Variants in SAMD12 observed in about 807,000 individuals in gnomAD.
SAMD12 encodes sterile alpha motif domain-containing protein 12.
In SAMD12, 9 loss-of-function variants were observed where a neutral mutation model predicts 15.0. The ratio of observed to expected loss-of-function variants is 0.60; its 90% CI spans 0.36 to 1.05. The LOEUF is 1.05. SAMD12 is among the 50% of genes least tolerant of loss of function. SAMD12 has a pLI of 0.01. For missense variants in SAMD12, 230 were observed against 234.2 expected (o/e 0.98, Z 0.12); for synonymous variants, 86 against 90.1 (o/e 0.96, Z 0.25).
rs550186451 is a variant in SAMD12, at chr8:118,530,768, A to G, written c.192+49947T>C. Reference sequence around the variant, plus strand: ...GTTTTTGGGGTTTTAATAACAAATTATTCTCCCAGGCCAATATCTAGATGA... The same window carrying G: ...GTTTTTGGGGTTTTAATAACAAATTGTTCTCCCAGGCCAATATCTAGATGA... On this transcript the variant is annotated intron_variant, in intron 2 of 3. Transcript: ENST00000314727. Among the ~76,000 whole-genome samples, 13 of 152,212 alleles carry G rather than the reference A, an allele frequency of 8.5e-5. No homozygotes were observed. The South Asian group carries it at 2.7e-3, about 32-fold the overall frequency.
intron 4 of SAMD12, among the ~76,000 whole-genome samples, chr8:118,218,877 G>A (rs531384065): frequency 3.3e-5 from 5 of 152,092 alleles, no homozygotes; most frequent in Admixed American, 6.5e-5. Flanking sequence ...AGCACTTACC[G>A]TCTATTTTAG....
intron 3 of SAMD12, among the ~76,000 whole-genome samples, chr8:118,391,954 A>AG (rs1169154100): frequency 6.6e-6 from 1 of 151,762 alleles, no homozygotes; most frequent in Non-Finnish European, 1.5e-5. Context: ...AAAAAAAAAA[A>AG]GAGGTCTTGG....
chr8:118,553,391 A>G (rs1826411597), intron 2 of SAMD12, among the ~76,000 whole-genome samples: 1 of 152,002 alleles, frequency 6.6e-6, no homozygotes, highest in South Asian at 2.1e-4. Context: ...ATCTACAACT[A>G]TCTGATCTTT....
At chr8:118,419,207 A>G (rs1821875628) in intron 3 of SAMD12, among the ~76,000 whole-genome samples, 1 of 152,146 alleles carries the variant, frequency 6.6e-6, no homozygotes, top group Admixed American at 6.5e-5. Context: ...GAAGCAGAAA[A>G]AAAAAAGCCT....
intron 3 of SAMD12, among the ~76,000 whole-genome samples, chr8:118,423,879 G>A (rs963079648): frequency 5.3e-5 from 8 of 152,028 alleles, no homozygotes; most frequent in Non-Finnish European, 1.0e-4. Flanking sequence ...CGATTGCCTG[G>A]CATATAAACC....
At chr8:118,593,881 A>C (rs1458397752) in intron 1 of SAMD12, among the ~76,000 whole-genome samples, 2 of 152,202 alleles carry the variant, frequency 1.3e-5, no homozygotes, top group African/African-American at 4.8e-5. Context: ...CTATTCTAAA[A>C]ATGTAGTTCT....
chr8:118,465,307 G>C (rs1026639295), intron 2 of SAMD12, among the ~76,000 whole-genome samples: 1 of 152,058 alleles, frequency 6.6e-6, no homozygotes, highest in Non-Finnish European at 1.5e-5. Flanking sequence ...TTCCTAATAC[G>C]ATTACTCAAC....
chr8:118,259,466 C>T (rs1178680351), intron 4 of SAMD12, among the ~76,000 whole-genome samples: 1 of 152,048 alleles, frequency 6.6e-6, no homozygotes, highest in African/African-American at 2.4e-5. Context: ...GTGCACAGGT[C>T]AGGTCCTCAT....
downstream of SAMD12, among the ~76,000 whole-genome samples, chr8:118,376,020 C>T (rs375529090): frequency 1.2e-4 from 19 of 152,056 alleles, no homozygotes; most frequent in African/African-American, 4.6e-4. Context: ...TCTTCATTCT[C>T]GTATTTGTAG....
At chr8:118,235,026 TC>T (rs1812397110) in intron 4 of SAMD12, among the ~76,000 whole-genome samples, 1 of 152,126 alleles carries the variant, frequency 6.6e-6, no homozygotes, top group Non-Finnish European at 1.5e-5. Context: ...AGAATTTTTA[TC>T]CACTTCTTGG....
intron 2 of SAMD12, among the ~76,000 whole-genome samples, chr8:118,529,049 T>C (rs998060004): frequency 1.3e-5 from 2 of 152,280 alleles, no homozygotes; most frequent in African/African-American, 2.4e-5. Context: ...TGGCAAGAAA[T>C]TGGGGGTTTC....
intron 3 of SAMD12, among the ~76,000 whole-genome samples, chr8:118,411,786 C>T (rs776252448): frequency 7.2e-5 from 11 of 152,016 alleles, no homozygotes; most frequent in East Asian, 3.8e-4. Context: ...TGAAATTCTA[C>T]GGGGAGGGCT....
chr8:118,358,862 G>A (rs1424801039), intron 4 of SAMD12, among the ~76,000 whole-genome samples: 2 of 152,190 alleles, frequency 1.3e-5, no homozygotes, highest in Non-Finnish European at 2.9e-5. Context: ...TTCACTGGAT[G>A]AGAGAGAATG....
intron 2 of SAMD12, among the ~76,000 whole-genome samples, chr8:118,544,365 TGGAAGCAGTAGCTTG>T (rs781527080): frequency 1.6e-4 from 25 of 152,070 alleles, no homozygotes; most frequent in Non-Finnish European, 3.1e-4. Context: ...TAGGGCCAAA[TGGAAGCAGTAGCTTG>T]GGAAGTGGGG....
At chr8:118,255,943 A>G (rs1323287628) in intron 4 of SAMD12, among the ~76,000 whole-genome samples, 1 of 152,082 alleles carries the variant, frequency 6.6e-6, no homozygotes, top group African/African-American at 2.4e-5. Context: ...GACTTCCACA[A>G]TGGTTGAACT....
chr8:118,528,741 T>C (rs529721307), intron 2 of SAMD12, among the ~76,000 whole-genome samples: 8 of 152,338 alleles, frequency 5.3e-5, no homozygotes, highest in South Asian at 4.1e-4. Flanking sequence ...TTCTGCTATC[T>C]GTATTTCTGT....
intron 4 of SAMD12, among the ~76,000 whole-genome samples, chr8:118,350,140 G>A (rs1279266154): frequency 1.3e-5 from 2 of 152,120 alleles, no homozygotes; most frequent in Admixed American, 6.5e-5. Context: ...CATTGTGAGA[G>A]CCCTTCACCT....
At chr8:118,592,497 G>T (rs894349813) in intron 1 of SAMD12, among the ~76,000 whole-genome samples, 2 of 151,894 alleles carry the variant, frequency 1.3e-5, no homozygotes, top group Non-Finnish European at 2.9e-5. Flanking sequence ...TTCCCTTTAG[G>T]TTAGTGTTGT....
intron 4 of SAMD12, among the ~76,000 whole-genome samples, chr8:118,354,300 G>A (rs1029414904): frequency 4.6e-5 from 7 of 152,192 alleles, no homozygotes; most frequent in African/African-American, 1.7e-4. Context: ...AACATGTAAA[G>A]TAGAGGAATG....
Sources: gnomAD v4.1 joint callset for allele counts (sites outside exome capture counted in the v4.1 genomes callset) on GRCh38, gnomAD v4.1.1 for gene constraint, MANE v1.5 for transcripts, NCBI Gene and HGNC (gene_info 2026-07-23, HGNC 2026-07-21) for gene names.